The following SYN3 variants were observed in gnomAD, a reference collection of about 807,000 sequenced individuals.
The protein encoded by SYN3 is synapsin III.
A neutral mutation model predicts 65.8 loss-of-function variants in SYN3; 35 were observed. The ratio of observed to expected loss-of-function variants is 0.53; its 90% CI spans 0.41 to 0.70. The LOEUF (loss-of-function observed/expected upper bound fraction) is 0.70. SYN3 is among the 30% of genes least tolerant of loss of function. SYN3 has a pLI of 0.00. For synonymous variants in SYN3, 270 were observed against 292.9 expected (o/e 0.92, Z 0.80); for missense variants, 680 against 749.0 (o/e 0.91, Z 1.08).
At chr22:32,519,971 T>C (rs2710367) in intron 12 of SYN3, among the ~76,000 whole-genome samples, 5,580 of 152,176 alleles carry the variant, frequency 0.037, 349 homozygotes, top group African/African-American at 0.13. Context: ...CTCTGTGGGT[T>C]AGGCATTATT....
intron 6 of SYN3, among the ~76,000 whole-genome samples, chr22:32,825,703 GTGTA>G (rs1178863373): frequency 7.8e-6 from 1 of 127,694 alleles, no homozygotes; most frequent in African/African-American, 2.9e-5. Flanking sequence ...AAAAAGATGT[GTGTA>G]TGTGTGTATG....
chr22:32,760,670 T>TCTA (rs540587942), intron 6 of SYN3, among the ~76,000 whole-genome samples: 1 of 152,068 alleles, frequency 6.6e-6, no homozygotes, highest in Non-Finnish European at 1.5e-5. Flanking sequence ...TTCACCAGGC[T>TCTA]CTGAGGGTGG....
intron 6 of SYN3, among the ~76,000 whole-genome samples, chr22:32,793,092 T>C (rs1380394264): frequency 6.6e-6 from 1 of 152,246 alleles, no homozygotes; most frequent in East Asian, 1.9e-4. Flanking sequence ...ATAGTAGGTA[T>C]TCAACTAATG....
chr22:32,979,890 A>G (rs115802603), intron 3 of SYN3, among the ~76,000 whole-genome samples: 1,754 of 152,218 alleles, frequency 0.012, 42 homozygotes, highest in African/African-American at 0.04. Flanking sequence ...TCAAACCTGG[A>G]GTATGGCTCC....
intron 6 of SYN3, among the ~76,000 whole-genome samples, chr22:32,633,674 G>A (rs558961376): frequency 2.0e-5 from 3 of 152,298 alleles, no homozygotes; most frequent in African/African-American, 7.2e-5. Flanking sequence ...CTAGGCTGGA[G>A]TGCAGTGATG....
intron 6 of SYN3, among the ~76,000 whole-genome samples, chr22:32,853,277 C>G (rs936774675): frequency 7.9e-5 from 12 of 152,292 alleles, no homozygotes; most frequent in African/African-American, 2.6e-4. Flanking sequence ...TCCTGCTAGA[C>G]AAATTGCTGT....
At position 32,648,495 on chromosome 22, in the gene SYN3, T is replaced by C. The variant is rs147701278; in HGVS notation, c.712-51759A>G. Among the ~76,000 whole-genome samples the C allele has an allele frequency of 3.8e-3, 576 of 152,314 alleles. 3 individuals are homozygous for C. The highest frequency in any genetic ancestry group is 0.013 in the African/African-American group (560 of 41,562). On this transcript the variant is annotated intron_variant, in intron 6 of 13. Transcript: ENST00000358763. The stretch of plus-strand genomic sequence containing the variant: ...AAATTGTAAAGGTTGTGACCAACGA[T>C]TGAAGTTTGGGAAACCCGGACTTAA...
At chr22:32,850,240 C>T (rs954026043) in intron 6 of SYN3, among the ~76,000 whole-genome samples, 2 of 151,790 alleles carry the variant, frequency 1.3e-5, no homozygotes, top group African/African-American at 4.8e-5. Flanking sequence ...AACCTGCCTC[C>T]TAGTCTCACC....
intron 3 of SYN3, among the ~76,000 whole-genome samples, chr22:32,975,058 G>A (rs986094984): frequency 2.6e-5 from 4 of 151,968 alleles, no homozygotes; most frequent in Admixed American, 2.0e-4. Context: ...GGTCTTTTTC[G>A]TTTTTCTCAT....
At chr22:32,620,352 A>G (rs1450593852) in intron 6 of SYN3, among the ~76,000 whole-genome samples, 1 of 152,224 alleles carries the variant, frequency 6.6e-6, no homozygotes, top group African/African-American at 2.4e-5. Flanking sequence ...CACGAAAGGC[A>G]TATTTCTCTA....
rs146754959 is a variant in SYN3, at chr22:32,644,070, C to T, written c.712-47334G>A. ...TCCAGCCTGGGCAAGCGAGACTCTG[C>T]CTCAAAAAAAAAAAAAAAAAAAAAA... is the stretch of plus-strand genomic sequence containing the variant. On this transcript the variant is annotated intron_variant, in intron 6 of 13. Transcript: ENST00000358763. Among the ~76,000 whole-genome samples, 294 of 67,922 alleles carry T rather than the reference C, an allele frequency of 4.3e-3. 2 individuals are homozygous for T. The highest frequency in any genetic ancestry group is 0.018 in the African/African-American group (270 of 14,712). The allele number at this position is 67,922 out of a possible 152,430, so 44.6% of individuals were successfully genotyped here.
chr22:32,802,112 C>T (rs1468789308), intron 6 of SYN3: 1 of 1,583,184 alleles, frequency 6.3e-7, no homozygotes, highest in Non-Finnish European at 8.5e-7. Flanking sequence ...CCTTCTGCAA[C>T]TCCGACATCG....
At chr22:32,969,197 T>C (rs1286003752) in intron 3 of SYN3, among the ~76,000 whole-genome samples, 1 of 152,174 alleles carries the variant, frequency 6.6e-6, no homozygotes. Context: ...CATGCCTCCT[T>C]CCTTCTCATC....
chr22:32,881,039 C>T (rs1312927992), intron 4 of SYN3, among the ~76,000 whole-genome samples: 3 of 152,198 alleles, frequency 2.0e-5, no homozygotes, highest in Admixed American at 6.5e-5. Context: ...CCCTGCTCTC[C>T]GACAGCTGCC....
chr22:32,779,237 A>T (rs2045976513), intron 6 of SYN3, among the ~76,000 whole-genome samples: 1 of 152,164 alleles, frequency 6.6e-6, no homozygotes, highest in Non-Finnish European at 1.5e-5. Context: ...AGGTGGGTGG[A>T]TCACTTGAGG....
intron 2 of SYN3, among the ~76,000 whole-genome samples, chr22:32,994,208 C>T (rs571598800): frequency 1.2e-4 from 19 of 152,182 alleles, no homozygotes; most frequent in South Asian, 4.2e-4. Context: ...TAAAAGGGGC[C>T]GGGCCTGGGA....
intron 6 of SYN3, among the ~76,000 whole-genome samples, chr22:32,773,012 T>C (rs1162508833): frequency 6.6e-6 from 1 of 152,180 alleles, no homozygotes; most frequent in Non-Finnish European, 1.5e-5. Flanking sequence ...CCCTCGCAAC[T>C]ACTCAACTCT....
intron 6 of SYN3, among the ~76,000 whole-genome samples, chr22:32,708,657 C>T (rs1442839084): frequency 6.6e-6 from 1 of 152,200 alleles, no homozygotes; most frequent in Non-Finnish European, 1.5e-5. Flanking sequence ...AGCAGCTTGC[C>T]TGAGGCAGGA....
At chr22:32,912,405 A>T in intron 4 of SYN3, among the ~76,000 whole-genome samples, 1 of 69,616 alleles carries the variant, frequency 1.4e-5, no homozygotes, top group South Asian at 3.9e-4. Context: ...AACTGAGACA[A>T]CAATTAAAGT....
Sources: allele counts gnomAD v4.1 joint callset (sites outside exome capture counted in the v4.1 genomes callset), GRCh38; gene constraint gnomAD v4.1.1; transcripts MANE v1.5; gene names NCBI Gene and HGNC (gene_info 2026-07-23, HGNC 2026-07-21).